The following DPPA2 variants were observed in gnomAD, a reference collection of about 807,000 sequenced individuals.
DPPA2 encodes developmental pluripotency associated 2.
A neutral mutation model predicts 36.2 loss-of-function variants in DPPA2; 26 were observed. The ratio of observed to expected loss-of-function variants is 0.72; its 90% confidence interval spans 0.53 to 1.00. The LOEUF (loss-of-function observed/expected upper bound fraction) is 1.00. Ranked by LOEUF, DPPA2 falls within the 50% of genes least tolerant of loss-of-function variation. The probability of loss-of-function intolerance (pLI) is 0.00; values close to 1 mark genes in which losing one functional copy is unlikely to be tolerated. For missense variants in DPPA2, 361 were observed against 365.1 expected (o/e 0.99, Z 0.09); for synonymous variants, 113 against 123.2 (o/e 0.92, Z 0.55).
chr3:109,309,668 C>T lies in DPPA2; in HGVS notation c.182-338G>A, dbSNP rs568179167. ...TCATGCCACTGCACTCCAGCCTGGG[C>T]GACAGAACAAGACTCCGTCTCGTCT... On this transcript the variant is annotated intron_variant, in intron 3 of 8. Transcript: ENST00000478945. Among the ~76,000 whole-genome samples, 11 of 151,736 alleles carry T rather than the reference C, an allele frequency of 7.2e-5. No individual in the cohort carries two copies. In the South Asian group the frequency reaches 8.4e-4, roughly 12 times the overall value.
chr3:109,295,947 C>CAACA (rs931455167), intron 8 of DPPA2, among the ~76,000 whole-genome samples: 2 of 151,976 alleles, frequency 1.3e-5, no homozygotes, highest in Admixed American at 1.3e-4. Flanking sequence ...GCTGGACTGC[C>CAACA]AACAAAAGAA....
At chr3:109,303,878 C>G (rs780689548) in intron 7 of DPPA2, among the ~76,000 whole-genome samples, 1 of 151,740 alleles carries the variant, frequency 6.6e-6, no homozygotes, top group African/African-American at 2.4e-5. Flanking sequence ...GGCTCATGCC[C>G]TTAATACCAG....
At chr3:109,300,299 T>G in intron 8 of DPPA2, 72 bp downstream of exon 8, 1 of 1,236,896 alleles carries the variant, frequency 8.1e-7, no homozygotes, top group Admixed American at 1.7e-5. Context: ...GTTTCTCTTG[T>G]ATGTGACTCT....
intron 8 of DPPA2, among the ~76,000 whole-genome samples, chr3:109,298,054 T>A (rs1410726943): frequency 7.2e-5 from 11 of 152,028 alleles, no homozygotes; most frequent in African/African-American, 2.7e-4. Context: ...AAGGCTGCAA[T>A]GAGCTATGAC....
Position 109,308,041 on chromosome 3 carries a change from G to C in DPPA2, c.649C>G (p.Gln217Glu). The change falls in exon 6 of 9, where the codon CAA (glutamine) becomes GAA (glutamate). Residue 217 changes from glutamine to glutamate, a missense_variant. By Grantham distance (29) the Gln-to-Glu change is conservative. Coordinates refer to ENST00000478945, the MANE Select transcript of DPPA2 (RefSeq NM_138815.4). ...TTAAGGTTGATCTTACCAGAGGCTT[G>C]CATCAAAAAGGCCTCAACAGAAACA... ...IPVSVEAFLM[Q>E]ASGVRWCVVH... 6.2e-7 allele frequency: 1 copy of C among 1,614,036 alleles called. No homozygotes were observed. The highest frequency in any genetic ancestry group is 1.1e-5 in the South Asian group (1 of 91,072).
At position 109,313,206 on chromosome 3, in the gene DPPA2, T is replaced by A. The variant is rs1269014228; in HGVS notation, c.34-514A>T. 2.0e-5 allele frequency among the ~76,000 whole-genome samples: 3 copies of A among 152,322 alleles called. No individual in the cohort carries two copies. The East Asian group carries it at 5.8e-4, about 29-fold the overall frequency. On this transcript the variant is annotated intron_variant, in intron 2 of 8. Coordinates refer to ENST00000478945, the MANE Select transcript of DPPA2 (RefSeq NM_138815.4). Reference sequence around the variant, plus strand: ...TTATTCAATGGCTTGTCATTGTTATTCTGGTTAATGACAAAACTCAAATTA... The same window carrying A: ...TTATTCAATGGCTTGTCATTGTTATACTGGTTAATGACAAAACTCAAATTA...
In DPPA2 at chr3:109,300,461, T is replaced by G. The variant is rs368690006; in HGVS notation, c.855-26A>C. On this transcript the variant is annotated intron_variant, in intron 7 of 8. Transcript: ENST00000478945. ...CTGTAAGGCAAGTAGAAAAGAACTG[T>G]GAAATATTGCTACAGCAAGGTAAAC... The G allele has an allele frequency of 6.2e-6, 10 of 1,609,158 alleles. No individual in the cohort carries two copies. The African/African-American group carries it at 1.3e-4, about 22-fold the overall frequency.
intron 3 of DPPA2, 95 bp from the exon 4 acceptor site, chr3:109,309,425 C>T (rs1001135216): frequency 1.2e-5 from 17 of 1,389,918 alleles, no homozygotes; most frequent in African/African-American, 1.4e-5. Context: ...CGGTGGCTCA[C>T]GCCTGTAATC....
At chr3:109,311,033 C>A (rs1029770424) in intron 3 of DPPA2, among the ~76,000 whole-genome samples, 1 of 151,356 alleles carries the variant, frequency 6.6e-6, no homozygotes, top group African/African-American at 2.4e-5. Context: ...AACCCCTGGC[C>A]TCAAGTGATC....
chr3:109,311,646 A>G (rs1427783221), intron 3 of DPPA2, among the ~76,000 whole-genome samples: 1 of 152,072 alleles, frequency 6.6e-6, no homozygotes, highest in Non-Finnish European at 1.5e-5. Context: ...AGGCTGAGGC[A>G]GGAGAATCGC....
intron 7 of DPPA2, among the ~76,000 whole-genome samples, chr3:109,300,998 T>C (rs1707448526): frequency 6.6e-6 from 1 of 151,364 alleles, no homozygotes; most frequent in South Asian, 2.1e-4. Context: ...TTTTTTTTTT[T>C]TTTAAGACAG....
At chr3:109,310,800 A>G (rs574165715) in intron 3 of DPPA2, among the ~76,000 whole-genome samples, 8 of 148,048 alleles carry the variant, frequency 5.4e-5, no homozygotes, top group Admixed American at 4.8e-4. Flanking sequence ...CACCGCACCC[A>G]GCTTGCTTTG....
intron 6 of DPPA2, 24 bp from the exon 7 acceptor site, chr3:109,304,694 A>T: frequency 6.4e-7 from 1 of 1,558,744 alleles, no homozygotes. Context: ...ACAAATATAG[A>T]CAGCAAAAAT....
intron 1 of DPPA2, among the ~76,000 whole-genome samples, chr3:109,315,755 G>A (rs924160869): frequency 7.2e-5 from 11 of 152,118 alleles, no homozygotes; most frequent in African/African-American, 2.4e-4. Flanking sequence ...CTGGCACGGT[G>A]GCTCATGTCT....
chr3:109,308,094 G>A lies in DPPA2; in HGVS notation c.596C>T (p.Pro199Leu), dbSNP rs754279714. The stretch of plus-strand genomic sequence containing the variant: ...AATGGAACATGAATTCAAAGCCTTA[G>A]GCTGAACAGCTCTTGCAGCAATTCT... ...WARIAARAVQ[P>L]KALNSCSIPV... The change falls in exon 6 of 9, where the codon CCT (proline) becomes CTT (leucine). Residue 199 changes from proline (P) to leucine (L), a missense_variant. Physicochemically the swap from Pro to Leu is moderately conservative, Grantham distance 98. Coordinates refer to ENST00000478945, the MANE Select transcript of DPPA2 (RefSeq NM_138815.4). 4 of 1,614,212 alleles carry A rather than the reference G, an allele frequency of 2.5e-6. No individual in the cohort carries two copies. The highest frequency in any genetic ancestry group is 3.4e-6 in the Non-Finnish European group (4 of 1,180,046).
In DPPA2 at chr3:109,308,201, A is replaced by T. The variant is rs760041307; in HGVS notation, c.489T>A (p.Tyr163Ter). ...VTKRARLQRS[Y>*]EMNERAEETN... ...TCTCTTCTGCTCTCTCATTCATCTCATAACTTCTCTGAAGCCTTGCTCTCT... is the reference window on the plus strand; with the variant it reads ...TCTCTTCTGCTCTCTCATTCATCTCTTAACTTCTCTGAAGCCTTGCTCTCT... Residue 163 changes from tyrosine to a stop codon, truncating the protein, a stop_gained, in exon 6 of 9, where the codon TAT becomes TAA. Coordinates refer to ENST00000478945, the MANE Select transcript of DPPA2 (RefSeq NM_138815.4). LOFTEE classifies it high-confidence loss of function. 2 of 1,614,056 alleles carry T rather than the reference A, an allele frequency of 1.2e-6. No individual in the cohort carries two copies. The highest frequency in any genetic ancestry group is 1.3e-5 in the African/African-American group (1 of 74,930).
chr3:109,309,162 G>A lies in DPPA2; in HGVS notation c.342+8C>T, dbSNP rs780186323. On this transcript the variant is annotated splice_region_variant and intron_variant, in intron 4 of 8. Transcript: ENST00000478945. The stretch of plus-strand genomic sequence containing the variant: ...CCCAGCAGCAGATATTCACCCAAGT[G>A]TACTAACCTTGCCATTAGTACTCAA... The A allele has an allele frequency of 6.2e-6, 10 of 1,614,132 alleles. No individual in the cohort carries two copies. The highest frequency in any genetic ancestry group is 1.1e-5 in the South Asian group (1 of 91,086).
At position 109,315,494 on chromosome 3, in the gene DPPA2, G is replaced by A. The variant is rs372279953; in HGVS notation, c.-14+790C>T. 3.3e-5 allele frequency among the ~76,000 whole-genome samples: 5 copies of A among 152,180 alleles called. No homozygotes were observed. In the East Asian group the frequency reaches 9.6e-4, roughly 29 times the overall value. ...GGAACGATGCACTTAGGAATTGCTGGAGCCTAATGTTGGACACGGAATGTG... is the reference window on the plus strand; with the variant it reads ...GGAACGATGCACTTAGGAATTGCTGAAGCCTAATGTTGGACACGGAATGTG... On this transcript the variant is annotated intron_variant, in intron 1 of 8. Coordinates refer to ENST00000478945, the MANE Select transcript of DPPA2 (RefSeq NM_138815.4).
chr3:109,300,631 G>C (rs2107304760), intron 7 of DPPA2, among the ~76,000 whole-genome samples, 196 bp from the exon 8 acceptor site: 2 of 152,158 alleles, frequency 1.3e-5, no homozygotes, highest in Non-Finnish European at 2.9e-5. Context: ...AGACCAGCCT[G>C]ACCAATATGG....
Sources: allele counts gnomAD v4.1 joint callset (sites outside exome capture counted in the v4.1 genomes callset), GRCh38; gene constraint gnomAD v4.1.1; transcripts MANE v1.5; gene names NCBI Gene and HGNC (gene_info 2026-07-23, HGNC 2026-07-21).